Variants in AP3B1 observed in about 807,000 individuals in gnomAD.
The protein encoded by AP3B1 is adaptor related protein complex 3 subunit beta 1.
A neutral mutation model predicts 132.5 loss-of-function variants in AP3B1; 61 were observed. That is an observed-to-expected ratio of 0.46 (90% CI 0.37 to 0.57). AP3B1 has a LOEUF of 0.57. Ranked by LOEUF, AP3B1 falls within the 20% of genes least tolerant of loss-of-function variation. The probability of loss-of-function intolerance (pLI) is 0.00; values close to 1 mark genes in which losing one functional copy is unlikely to be tolerated. For synonymous variants in AP3B1, 388 were observed against 438.3 expected, an observed-to-expected ratio of 0.89 and a Z score of 1.43; for missense variants, 1,120 against 1,289.4, an observed-to-expected ratio of 0.87 and a Z score of 2.01.
rs1168854704 is a variant in AP3B1, at chr5:78,216,152, CAT to C, written c.687_688del (p.Cys230Ter). On this transcript the variant is annotated frameshift_variant, in exon 7 of 27. Coordinates refer to ENST00000255194, the MANE Select transcript of AP3B1 (RefSeq NM_003664.5). LOFTEE classifies it high-confidence loss of function. ...CTCTTCAACATCCACTAGTAAGTTA[CAT>C]AGCTTGCGGTAATTTTTATGAATCA... 6.2e-7 allele frequency: 1 copy of C among 1,613,936 alleles called. No homozygotes were observed. Among genetic ancestry groups the C allele is most frequent in the Non-Finnish European group, 8.5e-7 (1 of 1,179,970 alleles).
chr5:78,108,764 C>G (rs57994460), intron 20 of AP3B1, among the ~76,000 whole-genome samples: 6,556 of 152,062 alleles, frequency 0.043, 466 homozygotes, highest in African/African-American at 0.15. Flanking sequence ...TTTTTATCTT[C>G]TTTTGTTTTT....
intron 23 of AP3B1, among the ~76,000 whole-genome samples, chr5:78,036,768 T>C (rs1181840772): frequency 2.0e-5 from 3 of 152,158 alleles, no homozygotes; most frequent in Non-Finnish European, 2.9e-5. Flanking sequence ...CCTTAATGTG[T>C]ATACGTTCTT....
chr5:78,208,540 T>C (rs1296875857), intron 7 of AP3B1, among the ~76,000 whole-genome samples: 2 of 152,116 alleles, frequency 1.3e-5, no homozygotes, highest in East Asian at 3.8e-4. Context: ...AGAAAAACAA[T>C]AGCTTCCCCA....
intron 21 of AP3B1, among the ~76,000 whole-genome samples, chr5:78,097,147 G>A (rs1388057149): frequency 1.0e-4 from 13 of 128,590 alleles, no homozygotes; most frequent in South Asian, 2.4e-4. Context: ...CGCCCCGTCC[G>A]GGAGGTGAGG....
intron 7 of AP3B1, among the ~76,000 whole-genome samples, chr5:78,196,781 T>C (rs949099232): frequency 6.6e-6 from 1 of 152,204 alleles, no homozygotes; most frequent in African/African-American, 2.4e-5. Flanking sequence ...ATAGGTTACA[T>C]ATTGTATGAT....
In AP3B1 at chr5:78,098,174, A is replaced by T. The variant is rs559755234; in HGVS notation, c.2470+2779T>A. On this transcript the variant is annotated intron_variant, in intron 21 of 26. Transcript: ENST00000255194. ...GCCGCAGGGTCCTCTGCCTAGGAAAACCAGAGACCTTTGTTCACTTGTTTA... is the reference window on the plus strand; with the variant it reads ...GCCGCAGGGTCCTCTGCCTAGGAAATCCAGAGACCTTTGTTCACTTGTTTA... Among the ~76,000 whole-genome samples, 25 of 151,462 alleles carry T rather than the reference A, an allele frequency of 1.7e-4. No individual in the cohort carries two copies. In the East Asian group the frequency reaches 4.4e-3, roughly 27 times the overall value.
chr5:78,260,313 G>A (rs540852982), intron 2 of AP3B1, among the ~76,000 whole-genome samples: 25 of 152,114 alleles, frequency 1.6e-4, no homozygotes, highest in Middle Eastern at 3.4e-3. Context: ...GGGGCCGGGC[G>A]TGGTGGCTCA....
rs180972230 is a variant in AP3B1, at chr5:78,289,776, G to T, written c.128+4676C>A. Among the ~76,000 whole-genome samples, 19 of 152,106 alleles carry T rather than the reference G, an allele frequency of 1.2e-4. 1 individual carries two copies. In the East Asian group the frequency reaches 3.5e-3, roughly 28 times the overall value. On this transcript the variant is annotated intron_variant, in intron 1 of 26. Coordinates refer to ENST00000255194, the MANE Select transcript of AP3B1 (RefSeq NM_003664.5). ...TACTTTATATCCTGTTGTCCCCTGG[G>T]TTTTGTCCAAACTGCCTTCTCGTCT...
chr5:78,064,524 T>G (rs1485291941), intron 22 of AP3B1, among the ~76,000 whole-genome samples: 4 of 152,166 alleles, frequency 2.6e-5, no homozygotes, highest in African/African-American at 7.2e-5. Flanking sequence ...CTGATGAAAA[T>G]TTTTAGGGTC....
intron 13 of AP3B1, among the ~76,000 whole-genome samples, chr5:78,157,875 G>T (rs1461646028): frequency 1.3e-5 from 2 of 151,972 alleles, no homozygotes; most frequent in African/African-American, 4.8e-5. Context: ...ACAGCCTCCT[G>T]AGTAGCTGGG....
chr5:78,061,872 C>G (rs1176413904), intron 22 of AP3B1, among the ~76,000 whole-genome samples: 1 of 152,088 alleles, frequency 6.6e-6, no homozygotes, highest in Non-Finnish European at 1.5e-5. Context: ...TGACAAAGAA[C>G]AAGGAAGCTG....
At chr5:78,146,007 T>C (rs1352224529) in intron 14 of AP3B1, among the ~76,000 whole-genome samples, 1 of 152,218 alleles carries the variant, frequency 6.6e-6, no homozygotes, top group Admixed American at 6.5e-5. Flanking sequence ...TGCAGTGTTT[T>C]AGAATGACAC....
At chr5:78,028,011 A>C (rs1309295382) in intron 24 of AP3B1, among the ~76,000 whole-genome samples, 1 of 152,122 alleles carries the variant, frequency 6.6e-6, no homozygotes, top group Admixed American at 6.5e-5. Flanking sequence ...CTGTAATCCA[A>C]GCTACTTGGG....
chr5:78,271,137 C>A (rs1005156157), intron 1 of AP3B1, among the ~76,000 whole-genome samples: 1 of 151,940 alleles, frequency 6.6e-6, no homozygotes, highest in East Asian at 1.9e-4. Context: ...TATTAACTTT[C>A]TAGGCAGGGC....
At chr5:78,020,894 T>C (rs191976809) in intron 24 of AP3B1, 105 bp from the exon 25 acceptor site, 1 of 918,046 alleles carries the variant, frequency 1.1e-6, no homozygotes, top group East Asian at 2.6e-5. Flanking sequence ...ATATACAGTA[T>C]AAGACCTTTT....
intron 11 of AP3B1, among the ~76,000 whole-genome samples, chr5:78,167,802 TG>T (rs1252847295): frequency 1.3e-5 from 2 of 151,562 alleles, no homozygotes; most frequent in African/African-American, 4.9e-5. Flanking sequence ...CACTCATAAG[TG>T]GGAGCTAAGC....
intron 3 of AP3B1, 37 bp from the exon 4 acceptor site, chr5:78,228,276 A>C: frequency 1.3e-6 from 2 of 1,495,134 alleles, no homozygotes; most frequent in Non-Finnish European, 1.8e-6. Context: ...AACCAGAGTG[A>C]AAATTTAAAA....
chr5:78,281,349 G>A (rs771493634), intron 1 of AP3B1, among the ~76,000 whole-genome samples: 15 of 147,902 alleles, frequency 1.0e-4, no homozygotes, highest in South Asian at 2.1e-4. Context: ...CAGGAGAATC[G>A]CTTGAACCTA....
chr5:78,026,414 G>A (rs1287490050), intron 24 of AP3B1, among the ~76,000 whole-genome samples: 1 of 152,110 alleles, frequency 6.6e-6, no homozygotes, highest in Non-Finnish European at 1.5e-5. Flanking sequence ...TAAGAGAAAC[G>A]GGCAAGCAGC....
Sources: allele counts gnomAD v4.1 joint callset (sites outside exome capture counted in the v4.1 genomes callset), GRCh38; gene constraint gnomAD v4.1.1; transcripts MANE v1.5; gene names NCBI Gene and HGNC (gene_info 2026-07-23, HGNC 2026-07-21).